MAP1B: variants seen among roughly 807,000 people sequenced by gnomAD.
MAP1B encodes the protein microtubule associated protein 1B.
Under a neutral mutation model 176.1 loss-of-function variants are expected in MAP1B, and 12 were observed. The observed-to-expected ratio is 0.07, with a 90% CI of 0.04 to 0.11. MAP1B has a LOEUF of 0.11. Among genes scored for constraint, MAP1B ranks in the 10% least tolerant of loss-of-function variants. MAP1B has a pLI of 1.00. For missense variants in MAP1B, 2,523 were observed against 2,990.5 expected (o/e 0.84, Z 3.65); for synonymous variants, 1,044 against 1,135.0 (o/e 0.92, Z 1.61).
In MAP1B at chr5:72,199,461, G is replaced by A; in HGVS notation, c.6106G>A (p.Asp2036Asn). Residue 2036 changes from aspartate to asparagine, a missense_variant, in exon 5 of 7, where the codon GAT becomes AAT. This residue lies in a region of MAP1B where 1,925 missense variants were observed against 2,126.0 expected (regional missense o/e 0.91). Coordinates refer to ENST00000296755, the MANE Select transcript of MAP1B (RefSeq NM_005909.5). The surrounding 1 kb of genome is among the most constrained non-coding windows in gnomAD (Gnocchi z 4.2). ...ETSTKTTRTP[D>N]TSTYCYETAE... ...ATCTACAAAGACAACACGAACCCCTGATACTTCCACATACTGTTACGAGAC... is the reference window on the plus strand; with the variant it reads ...ATCTACAAAGACAACACGAACCCCTAATACTTCCACATACTGTTACGAGAC... 6.2e-7 allele frequency: 1 copy of A among 1,614,106 alleles called. No individual in the cohort carries two copies. The highest frequency in any genetic ancestry group is 8.5e-7 in the Non-Finnish European group (1 of 1,180,020).
intron 2 of MAP1B, among the ~76,000 whole-genome samples, chr5:72,145,062 A>G (rs1746020604): frequency 6.6e-6 from 1 of 152,180 alleles, no homozygotes; most frequent in Non-Finnish European, 1.5e-5. Context: ...TGTGGGGAGC[A>G]CTGTCTGGGA....
At chr5:72,175,017 TCCTTCCCTCCCTCCCTC>T (rs1484487324) in intron 2 of MAP1B, among the ~76,000 whole-genome samples, 195 of 125,454 alleles carry the variant, frequency 1.6e-3, no homozygotes, top group African/African-American at 5.2e-3. Context: ...CTCCCTCCCT[TCCTTCCCTCCCTCCCTC>T]CCTTCCCTCC....
At chr5:72,190,820 A>G (rs1339044980) in intron 4 of MAP1B, among the ~76,000 whole-genome samples, 1 of 152,202 alleles carries the variant, frequency 6.6e-6, no homozygotes, top group Non-Finnish European at 1.5e-5. Flanking sequence ...TACACTGTCT[A>G]CTGTATTTCC....
At position 72,195,443 on chromosome 5, in the gene MAP1B, C is replaced by T; in HGVS notation, c.2088C>T (p.Pro696=). ...KEIKKEEKKE[P]KKEVKKETPP... is the part of the protein sequence containing the mutation. ...TCAAGAAAGAAGAGAAAAAAGAACCCAAGAAAGAGGTTAAGAAAGAAACAC... is the reference window on the plus strand; with the variant it reads ...TCAAGAAAGAAGAGAAAAAAGAACCTAAGAAAGAGGTTAAGAAAGAAACAC... Residue 696 remains proline (P), a synonymous_variant, in exon 5 of 7, where the codon CCC becomes CCT. Transcript: ENST00000296755. 1 of 1,573,382 alleles carries T rather than the reference C, an allele frequency of 6.4e-7. No individual in the cohort carries two copies. The highest frequency in any genetic ancestry group is 2.3e-5 in the East Asian group (1 of 42,968).
At chr5:72,145,553 A>C (rs1004300047) in intron 2 of MAP1B, among the ~76,000 whole-genome samples, 2 of 152,222 alleles carry the variant, frequency 1.3e-5, no homozygotes, top group African/African-American at 4.8e-5. Context: ...TACATGAATC[A>C]GTGTAATTAT....
intron 2 of MAP1B, among the ~76,000 whole-genome samples, chr5:72,125,294 G>C (rs528354500): frequency 6.6e-6 from 1 of 152,264 alleles, no homozygotes; most frequent in Non-Finnish European, 1.5e-5. Flanking sequence ...CTTGTAGTTA[G>C]TTTAGTATAA....
At chr5:72,187,552 C>T (rs1451375114) in intron 4 of MAP1B, among the ~76,000 whole-genome samples, 1 of 152,052 alleles carries the variant, frequency 6.6e-6, no homozygotes, top group African/African-American at 2.4e-5. Context: ...TGCCTGTGGC[C>T]GATAGCAGAT....
At chr5:72,181,062 A>T (rs1168815974) in intron 2 of MAP1B, among the ~76,000 whole-genome samples, 1 of 152,210 alleles carries the variant, frequency 6.6e-6, no homozygotes, top group African/African-American at 2.4e-5. Flanking sequence ...AAGGGGGATA[A>T]TCATAGTAGC....
At chr5:72,179,496 T>C in intron 2 of MAP1B, 1 of 423,748 alleles carries the variant, frequency 2.4e-6, no homozygotes, top group Non-Finnish European at 3.2e-6. Context: ...TGTGAAACAT[T>C]CCCCAAATAT....
At chr5:72,192,372 A>AT (rs1747043170) in intron 4 of MAP1B, among the ~76,000 whole-genome samples, 6 of 152,358 alleles carry the variant, frequency 3.9e-5, no homozygotes, top group South Asian at 4.1e-4. Context: ...ACAGGAGTTG[A>AT]TTCTTATCCT....
At chr5:72,122,138 C>T (rs1406072610) in intron 2 of MAP1B, among the ~76,000 whole-genome samples, 1 of 152,154 alleles carries the variant, frequency 6.6e-6, no homozygotes, top group African/African-American at 2.4e-5. Flanking sequence ...GTTTAATATT[C>T]CTTGAGGTCA....
Position 72,195,906 on chromosome 5 carries a change from A to G in MAP1B, c.2551A>G (p.Thr851Ala), listed in dbSNP as rs1249957381. ...EELKAEEVDV[T>A]KDIKPQLELI... ...GTTAAAGGCTGAAGAGGTCGATGTA[A>G]CAAAGGACATCAAGCCTCAGCTGGA... is the stretch of plus-strand genomic sequence containing the variant. Residue 851 changes from threonine (T) to alanine (A), a missense_variant, in exon 5 of 7, where the codon ACA becomes GCA. By Grantham distance (58) the Thr-to-Ala change is moderately conservative. Transcript: ENST00000296755. The G allele has an allele frequency of 1.9e-6, 3 of 1,614,274 alleles. No individual in the cohort carries two copies. Among genetic ancestry groups the G allele is most frequent in the East Asian group, 4.5e-5 (2 of 44,882 alleles).
chr5:72,186,891 CA>C lies in MAP1B; in HGVS notation c.510+141del. On this transcript the variant is annotated intron_variant, in intron 4 of 6. Transcript: ENST00000296755. The surrounding 1 kb of genome is among the most constrained non-coding windows in gnomAD (Gnocchi z 4.3). ...CTGAAATAAGCAAAACTGCATGATCCAAAATACTTTATTTCTATGGCTCATT... is the reference window on the plus strand; with the variant it reads ...CTGAAATAAGCAAAACTGCATGATCCAAATACTTTATTTCTATGGCTCATT... The C allele has an allele frequency of 1.1e-6, 1 of 946,802 alleles. No homozygotes were observed. The highest frequency in any genetic ancestry group is 1.6e-6 in the Non-Finnish European group (1 of 627,724). 58.7% of individuals were successfully genotyped at this position (946,802 alleles called of 1,614,324 possible). A position where few individuals can be genotyped will look rare whatever the true frequency, so the allele number is the denominator to read the frequency against.
intron 2 of MAP1B, among the ~76,000 whole-genome samples, chr5:72,175,995 T>C (rs1746646327): frequency 6.6e-6 from 1 of 152,208 alleles, no homozygotes; most frequent in South Asian, 2.1e-4. Context: ...TGTTCAAAAT[T>C]TGGAGAGCCA....
In MAP1B at chr5:72,199,309, A is replaced by T; in HGVS notation, c.5954A>T (p.Asp1985Val). 6.2e-7 allele frequency: 1 copy of T among 1,614,170 alleles called. No individual in the cohort carries two copies. The highest frequency in any genetic ancestry group is 1.1e-5 in the South Asian group (1 of 91,082). Residue 1985 changes from aspartate (D) to valine (V), a missense_variant, in exon 5 of 7, where the codon GAT becomes GTT. By Grantham distance (152) the Asp-to-Val change is radical (BLOSUM62 -3). This residue lies in a region of MAP1B where 1,925 missense variants were observed against 2,126.0 expected (regional missense o/e 0.91). Coordinates refer to ENST00000296755, the MANE Select transcript of MAP1B (RefSeq NM_005909.5). This position sits in a 1 kb window ranked among gnomAD's most constrained non-coding sequence, Gnocchi z 4.2. ...EKTERSRRLL[D>V]DISNGYDDSE... is the part of the protein sequence containing the mutation. ...ACTGAGAGGTCTAGAAGGCTTCTGGATGACATCAGCAATGGCTATGATGAC... is the reference window on the plus strand; with the variant it reads ...ACTGAGAGGTCTAGAAGGCTTCTGGTTGACATCAGCAATGGCTATGATGAC...
At chr5:72,164,607 A>G (rs1005243690) in intron 2 of MAP1B, among the ~76,000 whole-genome samples, 1 of 152,158 alleles carries the variant, frequency 6.6e-6, no homozygotes, top group African/African-American at 2.4e-5. Context: ...GCCTGATATG[A>G]CAGTGGCAAA....
At chr5:72,171,146 A>C (rs1164726553) in intron 2 of MAP1B, among the ~76,000 whole-genome samples, 1 of 152,152 alleles carries the variant, frequency 6.6e-6, no homozygotes, top group African/African-American at 2.4e-5. Context: ...CAGAATAAGG[A>C]AAAAGGGTAA....
intron 2 of MAP1B, among the ~76,000 whole-genome samples, chr5:72,129,044 A>T (rs949953318): frequency 6.6e-6 from 1 of 152,216 alleles, no homozygotes; most frequent in Non-Finnish European, 1.5e-5. Flanking sequence ...ACCAAAAGGT[A>T]AGAGAGATGA....
chr5:72,194,232 T>A lies in MAP1B; in HGVS notation c.877T>A (p.Cys293Ser), dbSNP rs1747092834. The A allele has an allele frequency of 6.2e-7, 1 of 1,614,116 alleles. No individual in the cohort carries two copies. The highest frequency in any genetic ancestry group is 1.1e-5 in the South Asian group (1 of 91,090). ...CAATGGCGGATCAGAGAGAAAATCC[T>A]GCTTCTGGAAGCTCATCCGACACTT... ...LINGGSERKSCFWKLIRHLDR... is the reference protein window; with the variant it reads ...LINGGSERKSSFWKLIRHLDR... The change falls in exon 5 of 7, where the codon TGC (cysteine) becomes AGC (serine). Residue 293 changes from cysteine to serine, a missense_variant. Physicochemically the swap from Cys to Ser is moderately radical, Grantham distance 112. Coordinates refer to ENST00000296755, the MANE Select transcript of MAP1B (RefSeq NM_005909.5). This position sits in a 1 kb window ranked among gnomAD's most constrained non-coding sequence, Gnocchi z 7.2.
Sources: gnomAD v4.1 joint callset for allele counts (sites outside exome capture counted in the v4.1 genomes callset) on GRCh38, gnomAD v4.1.1 for gene constraint, gnomAD v4.1.1 regional missense constraint, Gnocchi (gnomAD v3.1) non-coding constraint, MANE v1.5 for transcripts, NCBI Gene and HGNC (gene_info 2026-07-23, HGNC 2026-07-21) for gene names.